The following SLC24A2 variants were observed in gnomAD, a reference collection of about 807,000 sequenced individuals.
SLC24A2 encodes the protein solute carrier family 24 member 2.
A neutral mutation model predicts 62.0 loss-of-function variants in SLC24A2; 36 were observed. The ratio of observed to expected loss-of-function variants is 0.58; its 90% CI spans 0.44 to 0.77. The LOEUF is 0.77. Among genes scored for constraint, SLC24A2 ranks in the 30% least tolerant of loss-of-function variants. SLC24A2 has a pLI of 0.00. For synonymous variants in SLC24A2, 358 were observed against 294.0 expected, an observed-to-expected ratio of 1.22 and a Z score of -2.23; for missense variants, 846 against 817.9, an observed-to-expected ratio of 1.03 and a Z score of -0.42.
chr9:20,112,999 A>C, the SLC24A2 span, among the ~76,000 whole-genome samples: 1 of 152,158 alleles, frequency 6.6e-6, no homozygotes, highest in Non-Finnish European at 1.5e-5. Context: ...TCTGGGTTCA[A>C]CTTGTGGCTC....
the SLC24A2 span, among the ~76,000 whole-genome samples, chr9:20,139,533 A>G: frequency 6.6e-6 from 1 of 152,212 alleles, no homozygotes; most frequent in African/African-American, 2.4e-5. Context: ...ATTCCAAAGC[A>G]CTTGATTCAA....
At chr9:20,062,967 A>G in the SLC24A2 span, among the ~76,000 whole-genome samples, 18 of 117,196 alleles carry the variant, frequency 1.5e-4, 2 homozygotes, top group Non-Finnish European at 2.9e-4. Context: ...AGTTAGAATG[A>G]CGATCATTAA....
intron 2 of SLC24A2, among the ~76,000 whole-genome samples, chr9:19,728,153 A>C (rs1212918740): frequency 1.3e-5 from 2 of 152,132 alleles, no homozygotes; most frequent in Non-Finnish European, 2.9e-5. Context: ...GCCTTTACCC[A>C]AGGCTGTGCC....
intron 8 of SLC24A2, among the ~76,000 whole-genome samples, chr9:19,546,641 C>A (rs1293007019): frequency 6.6e-6 from 1 of 152,122 alleles, no homozygotes; most frequent in Non-Finnish European, 1.5e-5. Flanking sequence ...GTTGGACCCA[C>A]CAAGCCAGAC....
At chr9:20,018,436 G>A in the SLC24A2 span, among the ~76,000 whole-genome samples, 2 of 152,134 alleles carry the variant, frequency 1.3e-5, no homozygotes, top group Admixed American at 6.5e-5. Flanking sequence ...AAACATTAGA[G>A]TGATCATCTC....
intron 2 of SLC24A2, among the ~76,000 whole-genome samples, chr9:19,728,506 ACT>A (rs1322187349): frequency 1.3e-5 from 2 of 151,410 alleles, no homozygotes; most frequent in Non-Finnish European, 1.5e-5. Flanking sequence ...TTTCATTAAA[ACT>A]CTTTTATTCT....
At chr9:20,175,017 TTA>T in the SLC24A2 span, among the ~76,000 whole-genome samples, 6 of 147,836 alleles carry the variant, frequency 4.1e-5, no homozygotes, top group African/African-American at 5.0e-5. Context: ...TCTGAATTTT[TTA>T]TATATATATA....
intron 2 of SLC24A2, among the ~76,000 whole-genome samples, chr9:19,728,019 G>A: frequency 6.6e-6 from 1 of 152,150 alleles, no homozygotes. Context: ...AATGGCTGAG[G>A]CTCACAGGCT....
intron 8 of SLC24A2, among the ~76,000 whole-genome samples, chr9:19,544,209 G>C (rs973686662): frequency 3.5e-5 from 5 of 143,852 alleles, no homozygotes; most frequent in Non-Finnish European, 1.5e-5. Context: ...TTTGATCTTT[G>C]TTGGTTTAAA....
chr9:19,783,712 G>C (rs892999697), intron 2 of SLC24A2, among the ~76,000 whole-genome samples: 1 of 152,182 alleles, frequency 6.6e-6, no homozygotes, highest in African/African-American at 2.4e-5. Context: ...AAATTGGCAA[G>C]TGGTATTTCC....
At chr9:19,954,615 A>G in the SLC24A2 span, among the ~76,000 whole-genome samples, 1 of 152,012 alleles carries the variant, frequency 6.6e-6, no homozygotes, top group Non-Finnish European at 1.5e-5. Flanking sequence ...TAGAGAGTCC[A>G]TATTATATCC....
At chr9:19,698,533 T>C (rs1390561153) in intron 2 of SLC24A2, among the ~76,000 whole-genome samples, 1 of 152,160 alleles carries the variant, frequency 6.6e-6, no homozygotes, top group African/African-American at 2.4e-5. Flanking sequence ...AAAATTAGAT[T>C]TGTAAAATCT....
At chr9:20,010,707 G>C in the SLC24A2 span, among the ~76,000 whole-genome samples, 8 of 151,654 alleles carry the variant, frequency 5.3e-5, no homozygotes, top group Non-Finnish European at 8.8e-5. Context: ...TGTGCTGCAC[G>C]CGTTAACTCG....
chr9:19,895,526 T>TTTTCTTTC, the SLC24A2 span, among the ~76,000 whole-genome samples: 5,494 of 136,514 alleles, frequency 0.04, 319 homozygotes, highest in African/African-American at 0.13. Context: ...TCCCCTGCCC[T>TTTTCTTTC]TTTCTTTCTT....
chr9:19,892,560 C>T, the SLC24A2 span, among the ~76,000 whole-genome samples: 14 of 152,290 alleles, frequency 9.2e-5, no homozygotes, highest in East Asian at 2.1e-3. Context: ...TCCACACATC[C>T]TCAAAACAGA....
At chr9:20,162,861 C>G in the SLC24A2 span, among the ~76,000 whole-genome samples, 1 of 152,044 alleles carries the variant, frequency 6.6e-6, no homozygotes, top group African/African-American at 2.4e-5. Context: ...AGCACATAAT[C>G]AGCACCAAAG....
intron 9 of SLC24A2, among the ~76,000 whole-genome samples, chr9:19,521,401 G>A (rs1833192991): frequency 6.6e-6 from 1 of 152,200 alleles, no homozygotes; most frequent in South Asian, 2.1e-4. Context: ...ATGGAATCCA[G>A]GGGGCAGCAC....
chr9:20,216,187 G>A, the SLC24A2 span, among the ~76,000 whole-genome samples: 5 of 152,282 alleles, frequency 3.3e-5, no homozygotes, highest in South Asian at 8.3e-4. Context: ...TGCAAAATAC[G>A]TTTCCTAAAT....
the SLC24A2 span, among the ~76,000 whole-genome samples, chr9:20,304,476 G>T: frequency 6.6e-6 from 1 of 152,094 alleles, no homozygotes; most frequent in South Asian, 2.1e-4. Context: ...TTTAAAAAAA[G>T]ACTTTTAACA....
Sources: gnomAD v4.1 joint callset for allele counts (sites outside exome capture counted in the v4.1 genomes callset) on GRCh38, gnomAD v4.1.1 for gene constraint, MANE v1.5 for transcripts, NCBI Gene and HGNC (gene_info 2026-07-23, HGNC 2026-07-21) for gene names.